The following TENM2 variants were observed in gnomAD, a reference collection of about 807,000 sequenced individuals.
The protein encoded by TENM2 is teneurin-2.
TENM2 carries 52 observed loss-of-function variants against 245.2 expected under a neutral mutation model. The ratio of observed to expected loss-of-function variants is 0.21; its 90% CI spans 0.17 to 0.27. TENM2 has a LOEUF of 0.27. TENM2 is among the 10% of genes least tolerant of loss of function. The pLI, the probability that TENM2 is intolerant of heterozygous loss-of-function variation, is 1.00. For synonymous variants in TENM2, 1,363 were observed against 1,438.9 expected (o/e 0.95, Z 1.19); for missense variants, 3,046 against 3,666.8 (o/e 0.83, Z 4.37).
chr5:167,324,423 G>A (rs1277918890), intron 1 of TENM2, among the ~76,000 whole-genome samples: 1 of 152,078 alleles, frequency 6.6e-6, no homozygotes, highest in Non-Finnish European at 1.5e-5. Flanking sequence ...TTTCAAAGAT[G>A]GATAGGTAAT....
intron 2 of TENM2, among the ~76,000 whole-genome samples, chr5:167,579,357 C>T (rs1259601799): frequency 6.6e-6 from 1 of 152,210 alleles, no homozygotes; most frequent in Non-Finnish European, 1.5e-5. Flanking sequence ...AAAATCAGCA[C>T]TCACAAATCC....
chr5:168,010,408 A>T (rs1785133946), intron 5 of TENM2, among the ~76,000 whole-genome samples: 1 of 152,254 alleles, frequency 6.6e-6, no homozygotes, highest in African/African-American at 2.4e-5. Context: ...GTAAGAGAAC[A>T]GCTTACACGG....
At chr5:167,678,974 A>G (rs927286592) in intron 2 of TENM2, among the ~76,000 whole-genome samples, 10 of 152,122 alleles carry the variant, frequency 6.6e-5, no homozygotes, top group African/African-American at 2.4e-4. Context: ...TCTCGCCATG[A>G]TGACTGTAGT....
the TENM2 span, among the ~76,000 whole-genome samples, chr5:166,990,330 T>C: frequency 6.6e-6 from 1 of 152,116 alleles, no homozygotes; most frequent in Non-Finnish European, 1.5e-5. Flanking sequence ...TCCATCACTG[T>C]CTCCCACGGA....
chr5:167,369,836 A>G (rs559972032), intron 1 of TENM2, among the ~76,000 whole-genome samples: 2 of 152,276 alleles, frequency 1.3e-5, no homozygotes, highest in African/African-American at 2.4e-5. Flanking sequence ...TTTCAGTGCT[A>G]TTTGTGTATC....
At chr5:167,646,016 G>C (rs1779904727) in intron 2 of TENM2, among the ~76,000 whole-genome samples, 1 of 151,116 alleles carries the variant, frequency 6.6e-6, no homozygotes, top group African/African-American at 2.4e-5. Flanking sequence ...TGCTGTCACA[G>C]CCAGCTTAGT....
intron 1 of TENM2, among the ~76,000 whole-genome samples, chr5:167,293,992 G>GTGTA (rs1340925383): frequency 6.6e-6 from 1 of 151,926 alleles, no homozygotes; most frequent in Non-Finnish European, 1.5e-5. Flanking sequence ...GTGTGTGTGT[G>GTGTA]TGTGTGTGTG....
chr5:167,678,683 A>G (rs1435654850), intron 2 of TENM2, among the ~76,000 whole-genome samples: 6 of 152,064 alleles, frequency 3.9e-5, no homozygotes, highest in Non-Finnish European at 8.8e-5. Context: ...GAGTGAAAGT[A>G]AAAAAAGAAG....
chr5:168,035,231 G>A (rs1787554732), intron 5 of TENM2, among the ~76,000 whole-genome samples: 1 of 152,180 alleles, frequency 6.6e-6, no homozygotes. Context: ...AAGTGGGCCA[G>A]GTGCAGTGGC....
At chr5:167,312,905 C>T (rs1018911023) in intron 1 of TENM2, among the ~76,000 whole-genome samples, 3 of 97,660 alleles carry the variant, frequency 3.1e-5, no homozygotes, top group Non-Finnish European at 6.4e-5. Flanking sequence ...TTGACCTTGA[C>T]TCTTTTTTTT....
chr5:167,405,073 A>G (rs1168868563), intron 2 of TENM2, among the ~76,000 whole-genome samples: 1 of 152,124 alleles, frequency 6.6e-6, no homozygotes, highest in Non-Finnish European at 1.5e-5. Context: ...TTCATTTAGC[A>G]TGATGTTCTT....
intron 3 of TENM2, among the ~76,000 whole-genome samples, chr5:167,949,992 AT>A (rs1342028548): frequency 2.0e-5 from 3 of 152,170 alleles, no homozygotes; most frequent in African/African-American, 7.2e-5. Flanking sequence ...GTTGCTGTCA[AT>A]AATTTGATCT....
intron 2 of TENM2, among the ~76,000 whole-genome samples, chr5:167,539,450 T>G (rs1772055297): frequency 6.6e-6 from 1 of 152,182 alleles, no homozygotes; most frequent in African/African-American, 2.4e-5. Flanking sequence ...TTGACCATTC[T>G]GTAATGACTT....
At chr5:167,929,555 A>G (rs958672065) in intron 3 of TENM2, among the ~76,000 whole-genome samples, 2 of 152,204 alleles carry the variant, frequency 1.3e-5, no homozygotes, top group African/African-American at 2.4e-5. Context: ...ACTATATTTT[A>G]GATATTACCA....
intron 2 of TENM2, among the ~76,000 whole-genome samples, chr5:167,834,423 C>T (rs908633900): frequency 6.6e-6 from 1 of 152,170 alleles, no homozygotes; most frequent in Non-Finnish European, 1.5e-5. Flanking sequence ...TCAAAGCAAG[C>T]TTAGGAAGTC....
chr5:167,857,685 T>G (rs1240435994), intron 2 of TENM2, among the ~76,000 whole-genome samples: 1 of 152,234 alleles, frequency 6.6e-6, no homozygotes, highest in Non-Finnish European at 1.5e-5. Flanking sequence ...AAGAGTCTAA[T>G]GTCATATGTG....
At chr5:168,073,081 G>T (rs1173823261) in intron 7 of TENM2, among the ~76,000 whole-genome samples, 2 of 152,136 alleles carry the variant, frequency 1.3e-5, no homozygotes, top group Non-Finnish European at 2.9e-5. Flanking sequence ...CCTGTGTGCA[G>T]CCCAAGCACA....
chr5:167,954,936 A>G lies in TENM2; in HGVS notation c.947+2114A>G, dbSNP rs139821946. Reference sequence around the variant, plus strand: ...AGTGCTGCAATAAACATATGTGTGCATGTGTCTTTATAGTAGAATGATTTA... The same window carrying G: ...AGTGCTGCAATAAACATATGTGTGCGTGTGTCTTTATAGTAGAATGATTTA... On this transcript the variant is annotated intron_variant, in intron 4 of 28. Transcript: ENST00000518659. Among the ~76,000 whole-genome samples, 1,496 of 152,086 alleles carry G rather than the reference A, an allele frequency of 9.8e-3. 23 individuals carry two copies. Among genetic ancestry groups the G allele is most frequent in the African/African-American group, 0.034 (1,421 of 41,360 alleles).
chr5:167,111,184 A>T, the TENM2 span, among the ~76,000 whole-genome samples: 1 of 152,194 alleles, frequency 6.6e-6, no homozygotes, highest in South Asian at 2.1e-4. Context: ...TTATTTAGGT[A>T]TAGCTATCTG....
Sources: gnomAD v4.1 joint callset for allele counts (sites outside exome capture counted in the v4.1 genomes callset) on GRCh38, gnomAD v4.1.1 for gene constraint, MANE v1.5 for transcripts, NCBI Gene and HGNC (gene_info 2026-07-23, HGNC 2026-07-21) for gene names.